The following WDTC1 variants were observed in gnomAD, a reference collection of about 807,000 sequenced individuals.
WDTC1 encodes WD and tetratricopeptide repeats protein 1.
In WDTC1, 12 loss-of-function variants were observed where a neutral mutation model predicts 76.0. The ratio of observed to expected loss-of-function variants is 0.16; its 90% CI spans 0.10 to 0.26. WDTC1 has a LOEUF of 0.26. Among genes scored for constraint, WDTC1 ranks in the 10% least tolerant of loss-of-function variants. The pLI is 1.00. For synonymous variants in WDTC1, 326 were observed against 350.8 expected (o/e 0.93, Z 0.79); for missense variants, 511 against 908.8 (o/e 0.56, Z 5.63).
chr1:27,258,321 T>C (rs910110515), intron 1 of WDTC1, among the ~76,000 whole-genome samples: 75 of 149,486 alleles, frequency 5.0e-4, no homozygotes, highest in Middle Eastern at 7.0e-3. Context: ...TCACCTGAGG[T>C]CGGGAGTTCG....
intron 1 of WDTC1, among the ~76,000 whole-genome samples, chr1:27,244,647 TTA>T (rs2011752683): frequency 6.6e-6 from 1 of 152,210 alleles, no homozygotes; most frequent in Non-Finnish European, 1.5e-5. Context: ...ACACCTGGCC[TTA>T]TGTTATTTCC....
chr1:27,282,377 G>A, intron 4 of WDTC1, 92 bp downstream of exon 4: 1 of 1,301,696 alleles, frequency 7.7e-7, no homozygotes, highest in Non-Finnish European at 1.1e-6. Flanking sequence ...CCAAGGAAAA[G>A]ATTGGACCCA....
intron 1 of WDTC1, among the ~76,000 whole-genome samples, chr1:27,243,028 T>C (rs2011679388): frequency 6.6e-6 from 1 of 152,140 alleles, no homozygotes; most frequent in Non-Finnish European, 1.5e-5. Flanking sequence ...ACTGTCCTTG[T>C]ACCAACTTAG....
In WDTC1 at chr1:27,297,876, C is replaced by T. The variant is rs1000737573; in HGVS notation, c.1059-62C>T. On this transcript the variant is annotated intron_variant, in intron 11 of 15. Coordinates refer to ENST00000319394, the MANE Select transcript of WDTC1 (RefSeq NM_001276252.2). ...GGTGGCCCTCAGGCCATGTTACAGA[C>T]TCCCTGAGGGGCTGCTCTGACCTTC... The T allele has an allele frequency of 3.3e-6, 5 of 1,500,586 alleles. No individual in the cohort carries two copies. In the Admixed American group the frequency reaches 6.4e-5, roughly 19 times the overall value. 93.0% of individuals were successfully genotyped at this position (1,500,586 alleles called of 1,614,324 possible).
At chr1:27,235,384 C>T (rs1441390532) in intron 1 of WDTC1, among the ~76,000 whole-genome samples, 1 of 138,928 alleles carries the variant, frequency 7.2e-6, no homozygotes, top group African/African-American at 2.7e-5. Flanking sequence ...CTGTTTTTCT[C>T]TCTCTCTTTC....
intron 1 of WDTC1, among the ~76,000 whole-genome samples, chr1:27,260,401 G>C (rs968210593): frequency 1.3e-5 from 2 of 152,152 alleles, no homozygotes; most frequent in Non-Finnish European, 2.9e-5. Flanking sequence ...CACCGCGCCC[G>C]GCCCTACGAG....
intron 4 of WDTC1, among the ~76,000 whole-genome samples, chr1:27,282,998 T>C (rs1161405879): frequency 1.3e-5 from 2 of 150,494 alleles, no homozygotes; most frequent in Admixed American, 6.6e-5. Flanking sequence ...ATTAGCCGGG[T>C]GTGGTGGCGG....
intron 2 of WDTC1, among the ~76,000 whole-genome samples, chr1:27,261,918 T>G (rs1029500144): frequency 6.6e-6 from 1 of 152,076 alleles, no homozygotes; most frequent in African/African-American, 2.4e-5. Flanking sequence ...TAAAAAGTAC[T>G]AAAGTACTAA....
At chr1:27,283,536 T>G in intron 5 of WDTC1, 87 bp downstream of exon 5, 2 of 1,203,714 alleles carry the variant, frequency 1.7e-6, no homozygotes, top group Non-Finnish European at 2.4e-6. Context: ...TTGGTATGTG[T>G]GTGTCCCATA....
chr1:27,281,444 A>C (rs1358231798), intron 3 of WDTC1, among the ~76,000 whole-genome samples: 3 of 150,844 alleles, frequency 2.0e-5, no homozygotes, highest in Non-Finnish European at 2.9e-5. Flanking sequence ...TGTCTCAAAA[A>C]AAAAAAAAAA....
intron 3 of WDTC1, among the ~76,000 whole-genome samples, chr1:27,269,606 G>GTTTTTTTTTTTTTTTGTTTTTTTTTT (rs56885576): frequency 8.4e-6 from 1 of 119,478 alleles, no homozygotes; most frequent in Admixed American, 1.1e-4. Flanking sequence ...TTTGTTTTTT[G>GTTTTTTTTTTTTTTTGTTTTTTTTTT]TTTTTTTTTT....
chr1:27,264,934 C>T (rs1386261261), intron 3 of WDTC1, among the ~76,000 whole-genome samples: 1 of 152,008 alleles, frequency 6.6e-6, no homozygotes, highest in Non-Finnish European at 1.5e-5. Flanking sequence ...CCCTGAATAG[C>T]TGGGATTACA....
chr1:27,266,982 C>G (rs1209090395), intron 3 of WDTC1, among the ~76,000 whole-genome samples: 1 of 152,166 alleles, frequency 6.6e-6, no homozygotes, highest in East Asian at 1.9e-4. Flanking sequence ...TCAATAAAAA[C>G]CTGTTGGTGT....
In WDTC1 at chr1:27,301,237, A is replaced by G; in HGVS notation, c.1244A>G (p.His415Arg). 6.2e-7 allele frequency: 1 copy of G among 1,613,972 alleles called. No homozygotes were observed. The highest frequency in any genetic ancestry group is 8.5e-7 in the Non-Finnish European group (1 of 1,179,988). The change falls in exon 13 of 16, where the codon CAC becomes CGC. Residue 415 changes from histidine (H) to arginine (R), a missense_variant. Transcript: ENST00000319394. This position sits in a 1 kb window ranked among gnomAD's most constrained non-coding sequence, Gnocchi z 5.8. ...AYMKRKWDGD[H>R]YDALRDCLKA... ...CCCTGCCTTCCCAGGGATGGTGACC[A>G]CTATGATGCCCTGAGGGACTGCCTC...
At chr1:27,297,368 C>T (rs1204430395) in intron 11 of WDTC1, among the ~76,000 whole-genome samples, 1 of 152,236 alleles carries the variant, frequency 6.6e-6, no homozygotes, top group Non-Finnish European at 1.5e-5. Context: ...GACTGTAGCT[C>T]TAGCCTGTTG....
At chr1:27,241,940 G>A (rs1319851199) in intron 1 of WDTC1, among the ~76,000 whole-genome samples, 1 of 150,304 alleles carries the variant, frequency 6.7e-6, no homozygotes, top group Non-Finnish European at 1.5e-5. Context: ...CACCCAAGAT[G>A]GAGTGCAGTG....
At chr1:27,235,187 G>A (rs1472178244) in intron 1 of WDTC1, among the ~76,000 whole-genome samples, 4 of 152,132 alleles carry the variant, frequency 2.6e-5, no homozygotes, top group Non-Finnish European at 5.9e-5. Context: ...GACGCGGGGG[G>A]AGGCTGTGGG....
chr1:27,297,230 G>A (rs1335319544), intron 11 of WDTC1, 74 bp downstream of exon 11: 14 of 1,361,074 alleles, frequency 1.0e-5, no homozygotes, highest in Non-Finnish European at 1.4e-5. Context: ...GACATAACCT[G>A]TAAATCTTCC....
intron 4 of WDTC1, among the ~76,000 whole-genome samples, chr1:27,283,013 C>T (rs149615807): frequency 0.013 from 1,917 of 151,778 alleles, 23 homozygotes; most frequent in East Asian, 0.024. Context: ...TGGCGGGCGC[C>T]TGTAGTCCCA....
Sources: allele counts gnomAD v4.1 joint callset (sites outside exome capture counted in the v4.1 genomes callset), GRCh38; gene constraint gnomAD v4.1.1; non-coding constraint Gnocchi (gnomAD v3.1); transcripts MANE v1.5; gene names NCBI Gene and HGNC (gene_info 2026-07-23, HGNC 2026-07-21).